The following SCAND3 variants were observed in gnomAD, a reference collection of about 807,000 sequenced individuals.
The protein encoded by SCAND3 is SCAN domain-containing protein 3.
At chr6:28,579,284 G>A in the SCAND3 span, 1 of 1,613,128 alleles carries the variant, frequency 6.2e-7, no homozygotes, top group Non-Finnish European at 8.5e-7. The surrounding 1 kb of genome is among the most constrained non-coding windows in gnomAD (Gnocchi z 4.5). Context: ...TTATCTTGAA[G>A]TGGGTGTGGC....
the SCAND3 span, chr6:28,575,150 A>G: frequency 6.2e-7 from 1 of 1,614,130 alleles, no homozygotes; most frequent in East Asian, 2.2e-5. This position sits in a 1 kb window ranked among gnomAD's most constrained non-coding sequence, Gnocchi z 4.2. Flanking sequence ...GCACTTTCAC[A>G]TGGAGTCTGT....
At chr6:28,587,712 A>G in the SCAND3 span, 1 of 151,972 alleles carries the variant, frequency 6.6e-6, no homozygotes, top group South Asian at 2.1e-4. Context: ...CTTTCACCCT[A>G]AATCAGACTT....
the SCAND3 span, chr6:28,572,488 T>G: frequency 6.2e-7 from 1 of 1,613,532 alleles, no homozygotes. This position sits in a 1 kb window ranked among gnomAD's most constrained non-coding sequence, Gnocchi z 4.1. Flanking sequence ...TTTTTGTCCT[T>G]CAACTTTATC....
chr6:28,572,159 C>A, the SCAND3 span: 25 of 1,614,054 alleles, frequency 1.5e-5, no homozygotes, highest in South Asian at 1.9e-4. The surrounding 1 kb of genome is among the most constrained non-coding windows in gnomAD (Gnocchi z 4.1). Context: ...GGAAGTGATG[C>A]TGTATTTTCA....
At chr6:28,595,881 G>A in the SCAND3 span, among the ~76,000 whole-genome samples, 3 of 152,150 alleles carry the variant, frequency 2.0e-5, no homozygotes, top group Non-Finnish European at 2.9e-5. Context: ...CCGCCACTGA[G>A]GTTATAATGC....
At chr6:28,583,724 C>G in the SCAND3 span, among the ~76,000 whole-genome samples, 3 of 152,332 alleles carry the variant, frequency 2.0e-5, no homozygotes, top group Middle Eastern at 3.4e-3. Context: ...AACTGCTTCT[C>G]TATCATACTT....
chr6:28,575,001 G>A, the SCAND3 span: 1 of 1,613,856 alleles, frequency 6.2e-7, no homozygotes, highest in Admixed American at 1.7e-5. The surrounding 1 kb of genome is among the most constrained non-coding windows in gnomAD (Gnocchi z 4.2). Context: ...CAGTCTCAAT[G>A]TTTTCTTCAT....
At chr6:28,587,419 G>A in the SCAND3 span, 5 of 152,228 alleles carry the variant, frequency 3.3e-5, no homozygotes, top group African/African-American at 9.7e-5. Context: ...ATTCTGGGGA[G>A]GCAAGTACTC....
the SCAND3 span, among the ~76,000 whole-genome samples, chr6:28,600,364 G>T: frequency 1.3e-5 from 2 of 152,198 alleles, no homozygotes; most frequent in African/African-American, 4.8e-5. Context: ...GGGGAGTGGT[G>T]GCTCATGCCT....
chr6:28,606,775 A>C, the SCAND3 span, among the ~76,000 whole-genome samples: 4 of 152,330 alleles, frequency 2.6e-5, no homozygotes, highest in East Asian at 1.9e-4. Flanking sequence ...CTTTGTTCCA[A>C]GAAAGGCGGT....
At chr6:28,606,259 A>G in the SCAND3 span, among the ~76,000 whole-genome samples, 1 of 152,112 alleles carries the variant, frequency 6.6e-6, no homozygotes, top group Non-Finnish European at 1.5e-5. Flanking sequence ...TATTATTTTT[A>G]TTTTTTCAAC....
chr6:28,591,009 A>T, the SCAND3 span: 5 of 152,320 alleles, frequency 3.3e-5, no homozygotes, highest in African/African-American at 1.2e-4. Flanking sequence ...ATGGCCTAAC[A>T]GCCTCTTCTG....
the SCAND3 span, among the ~76,000 whole-genome samples, chr6:28,605,343 C>T: frequency 6.6e-5 from 10 of 152,026 alleles, no homozygotes; most frequent in Middle Eastern, 6.8e-3. Flanking sequence ...CTTTGTGAGA[C>T]CAGAAATGTC....
chr6:28,615,486 G>T, the SCAND3 span, among the ~76,000 whole-genome samples: 1 of 151,634 alleles, frequency 6.6e-6, no homozygotes, highest in African/African-American at 2.4e-5. Flanking sequence ...GGTGGTGCGC[G>T]CCTGTAATCT....
chr6:28,614,253 C>G, the SCAND3 span, among the ~76,000 whole-genome samples: 2 of 151,984 alleles, frequency 1.3e-5, no homozygotes. Flanking sequence ...CGTGAGCCAC[C>G]GCGCCTGGCA....
the SCAND3 span, among the ~76,000 whole-genome samples, chr6:28,580,473 A>G: frequency 6.6e-6 from 1 of 152,198 alleles, no homozygotes; most frequent in African/African-American, 2.4e-5. Flanking sequence ...AAACTGTGCA[A>G]AGCACATTTC....
At chr6:28,592,684 T>G in the SCAND3 span, among the ~76,000 whole-genome samples, 1 of 152,068 alleles carries the variant, frequency 6.6e-6, no homozygotes, top group Non-Finnish European at 1.5e-5. This position sits in a 1 kb window ranked among gnomAD's most constrained non-coding sequence, Gnocchi z 4.1. Context: ...TATTATAAAG[T>G]GATTGTAATA....
At chr6:28,578,566 T>C in the SCAND3 span, among the ~76,000 whole-genome samples, 21 of 152,300 alleles carry the variant, frequency 1.4e-4, no homozygotes, top group African/African-American at 4.1e-4. Flanking sequence ...CTTTCCATAC[T>C]GATCCATTTT....
At chr6:28,589,348 G>C in the SCAND3 span, 2 of 152,002 alleles carry the variant, frequency 1.3e-5, no homozygotes, top group Admixed American at 1.3e-4. Flanking sequence ...ATTTAACCAC[G>C]ACTATACTTA....
Sources: gnomAD v4.1 joint callset for allele counts (sites outside exome capture counted in the v4.1 genomes callset) on GRCh38, gnomAD v4.1.1 for gene constraint, Gnocchi (gnomAD v3.1) non-coding constraint, MANE v1.5 for transcripts, NCBI Gene and HGNC (gene_info 2026-07-23, HGNC 2026-07-21) for gene names.